The following SGCZ variants were observed in gnomAD, a reference collection of about 807,000 sequenced individuals.
SGCZ encodes sarcoglycan zeta.
SGCZ carries 40 observed loss-of-function variants against 41.3 expected under a neutral mutation model. The observed-to-expected ratio is 0.97, with a 90% confidence interval of 0.75 to 1.26. The LOEUF is 1.26. Ranked by LOEUF, SGCZ falls within the 50% of genes most tolerant of loss-of-function variation. SGCZ has a pLI of 0.00. For missense variants in SGCZ, 552 were observed against 369.8 expected, an observed-to-expected ratio of 1.49 and a Z score of -4.04; for synonymous variants, 206 against 137.5, an observed-to-expected ratio of 1.50 and a Z score of -3.49.
chr8:14,315,130 C>T (rs1374462215), intron 3 of SGCZ, among the ~76,000 whole-genome samples: 3 of 152,098 alleles, frequency 2.0e-5, no homozygotes, highest in Admixed American at 6.6e-5. Flanking sequence ...AATTCTGGCT[C>T]ACCTTGGAGT....
intron 3 of SGCZ, among the ~76,000 whole-genome samples, chr8:14,257,308 A>C (rs1369127246): frequency 4.0e-5 from 6 of 151,162 alleles, no homozygotes; most frequent in Admixed American, 3.3e-4. Context: ...CCCTCACTCC[A>C]CTCACTCCAG....
chr8:14,266,193 G>C lies in SGCZ; in HGVS notation c.337-28514C>G, dbSNP rs541150054. Among the ~76,000 whole-genome samples, 288 of 152,154 alleles carry C rather than the reference G, an allele frequency of 1.9e-3. 1 individual carries two copies. The highest frequency in any genetic ancestry group is 6.5e-3 in the African/African-American group (271 of 41,536). ...GAGATATCATAATCAAACTCTCAAA[G>C]TCTGGAAGATTACCGATTCATATAA... On this transcript the variant is annotated intron_variant, in intron 3 of 7. Coordinates refer to ENST00000382080, the MANE Select transcript of SGCZ (RefSeq NM_139167.4).
chr8:15,210,717 G>A (rs575212328), intron 1 of SGCZ, among the ~76,000 whole-genome samples: 3 of 152,020 alleles, frequency 2.0e-5, no homozygotes, highest in Admixed American at 6.6e-5. Context: ...TTTATCACCC[G>A]TCCCTTGCAG....
chr8:15,212,097 C>T (rs1261466487), intron 1 of SGCZ, among the ~76,000 whole-genome samples: 4 of 152,128 alleles, frequency 2.6e-5, no homozygotes, highest in African/African-American at 7.2e-5. Flanking sequence ...TTCTCCTACA[C>T]TGACTATGGG....
chr8:14,913,430 T>C (rs1465641205), intron 1 of SGCZ, among the ~76,000 whole-genome samples: 3 of 152,062 alleles, frequency 2.0e-5, no homozygotes, highest in African/African-American at 7.2e-5. Flanking sequence ...ACTATTCATT[T>C]TTCCATAAGA....
At chr8:14,820,499 T>A (rs1007067609) in intron 1 of SGCZ, among the ~76,000 whole-genome samples, 2 of 152,058 alleles carry the variant, frequency 1.3e-5, no homozygotes, top group Non-Finnish European at 2.9e-5. Flanking sequence ...ATGGACTTAA[T>A]GAACATTTGT....
At chr8:14,828,682 T>C (rs542465697) in intron 1 of SGCZ, among the ~76,000 whole-genome samples, 6 of 152,284 alleles carry the variant, frequency 3.9e-5, no homozygotes, top group African/African-American at 1.4e-4. Context: ...TGGCAGCAGT[T>C]GTTTGGGATG....
intron 2 of SGCZ, among the ~76,000 whole-genome samples, chr8:14,550,748 C>T: frequency 6.6e-6 from 1 of 151,912 alleles, no homozygotes; most frequent in East Asian, 1.9e-4. Context: ...CAAGATGGCC[C>T]TTTAGAAGGA....
At chr8:14,749,120 A>G (rs1297809597) in intron 1 of SGCZ, among the ~76,000 whole-genome samples, 1 of 152,176 alleles carries the variant, frequency 6.6e-6, no homozygotes, top group Non-Finnish European at 1.5e-5. Flanking sequence ...AGTAATATTC[A>G]ATTTTCAAAA....
At chr8:14,686,301 T>C (rs894256887) in intron 1 of SGCZ, among the ~76,000 whole-genome samples, 31 of 152,214 alleles carry the variant, frequency 2.0e-4, no homozygotes, top group African/African-American at 7.0e-4. Context: ...TAAATTTGAG[T>C]AATTTGAAAT....
chr8:15,107,107 A>G (rs991222112), intron 1 of SGCZ, among the ~76,000 whole-genome samples: 1 of 152,126 alleles, frequency 6.6e-6, no homozygotes, highest in Non-Finnish European at 1.5e-5. Context: ...TTCTTTTCTA[A>G]TTAATATTTG....
intron 2 of SGCZ, among the ~76,000 whole-genome samples, chr8:14,534,872 T>C (rs1371799618): frequency 6.6e-6 from 1 of 151,998 alleles, no homozygotes; most frequent in Non-Finnish European, 1.5e-5. Flanking sequence ...TACCATCTGA[T>C]GAATAAGCAT....
At chr8:14,341,596 G>C (rs892946633) in intron 2 of SGCZ, among the ~76,000 whole-genome samples, 3 of 152,026 alleles carry the variant, frequency 2.0e-5, no homozygotes, top group Admixed American at 1.3e-4. Flanking sequence ...TTGCCAACTG[G>C]TATGGTTTGG....
chr8:14,259,929 C>A (rs1799596705), intron 3 of SGCZ, among the ~76,000 whole-genome samples: 1 of 152,114 alleles, frequency 6.6e-6, no homozygotes, highest in Non-Finnish European at 1.5e-5. Flanking sequence ...GATATTGATT[C>A]TTCCTACCCA....
chr8:14,124,503 T>G (rs1311252197), intron 5 of SGCZ, among the ~76,000 whole-genome samples: 5 of 152,194 alleles, frequency 3.3e-5, no homozygotes, highest in Non-Finnish European at 5.9e-5. Flanking sequence ...GACTTAAAAC[T>G]AAAATAGTGC....
chr8:14,255,564 G>T (rs760292349), intron 3 of SGCZ, among the ~76,000 whole-genome samples: 9 of 151,748 alleles, frequency 5.9e-5, no homozygotes, highest in Admixed American at 1.3e-4. Context: ...TCGCTAAAAA[G>T]ACAAAGTATA....
intron 1 of SGCZ, among the ~76,000 whole-genome samples, chr8:15,147,394 T>G (rs1435484417): frequency 1.3e-5 from 2 of 152,134 alleles, no homozygotes; most frequent in Non-Finnish European, 2.9e-5. Flanking sequence ...TTCTCCTGCC[T>G]CAGCCTCCCG....
chr8:14,524,487 CA>C (rs1802882055), intron 2 of SGCZ, among the ~76,000 whole-genome samples: 2 of 152,146 alleles, frequency 1.3e-5, no homozygotes, highest in South Asian at 4.1e-4. Context: ...TCCCAAAAGG[CA>C]AGAAAGAAAG....
At chr8:14,535,848 G>A (rs987728847) in intron 2 of SGCZ, among the ~76,000 whole-genome samples, 1 of 151,822 alleles carries the variant, frequency 6.6e-6, no homozygotes, top group African/African-American at 2.4e-5. Context: ...AAAAATTCAT[G>A]AAGTAATATT....
Sources: gnomAD v4.1 joint callset for allele counts (sites outside exome capture counted in the v4.1 genomes callset) on GRCh38, gnomAD v4.1.1 for gene constraint, MANE v1.5 for transcripts, NCBI Gene and HGNC (gene_info 2026-07-23, HGNC 2026-07-21) for gene names.